FOXK2: variants seen among roughly 807,000 people sequenced by gnomAD.
FOXK2 encodes forkhead box K2.
Under a neutral mutation model 53.3 loss-of-function variants are expected in FOXK2, and 24 were observed. The ratio of observed to expected loss-of-function variants is 0.45; its 90% CI spans 0.33 to 0.63. The LOEUF is 0.63. FOXK2 is among the 30% of genes least tolerant of loss of function. The pLI is 0.03. For synonymous variants in FOXK2, 505 were observed against 407.1 expected (o/e 1.24, Z -2.89); for missense variants, 952 against 910.5 (o/e 1.05, Z -0.59).
rs2044921369 is a variant in FOXK2 at position 82,571,791 on chromosome 17, A to G, written c.830A>G (p.Lys277Arg). The G allele has an allele frequency of 1.2e-6, 2 of 1,603,846 alleles. No individual in the cohort carries two copies. The highest frequency in any genetic ancestry group is 1.7e-6 in the Non-Finnish European group (2 of 1,176,138). ...IVQAITMAPD[K>R]QLTLNGIYTH... ...CAGGCGATTACGATGGCTCCCGACA[A>G]ACAGCTCACCCTGAACGGGATTTAT... is the stretch of plus-strand genomic sequence containing the variant. The change falls in exon 4 of 9, where the codon AAA becomes AGA. Residue 277 changes from lysine (K) to arginine (R), a missense_variant. Coordinates refer to ENST00000335255, the MANE Select transcript of FOXK2 (RefSeq NM_004514.4).
chr17:82,586,983 T>C (rs2045185732), intron 7 of FOXK2, 80 bp from the exon 8 acceptor site: 1 of 1,287,414 alleles, frequency 7.8e-7, no homozygotes, highest in East Asian at 2.3e-5. Flanking sequence ...GATAGCTATC[T>C]GGTTATTATG....
In FOXK2 at chr17:82,586,152, C is replaced by T. The variant is rs767228920; in HGVS notation, c.1528C>T (p.Pro510Ser). ...GGTCACCCCGGCAGCCGTGCTGGCC[C>T]CTCCTAAGGCAGAGGCCCAGGAGAA... ...AVVTPAAVLA[P>S]PKAEAQENGD... is the part of the protein sequence containing the mutation. Residue 510 changes from proline to serine, a missense_variant, in exon 7 of 9, where the codon CCT (proline) becomes TCT (serine). Pro to Ser is a moderately conservative substitution (Grantham distance 74, BLOSUM62 -1). Around this residue, in one of 5 missense-constraint regions of FOXK2, gnomAD observed 551 missense variants for 385.1 expected, o/e 1.43. Coordinates refer to ENST00000335255, the MANE Select transcript of FOXK2 (RefSeq NM_004514.4). 3.1e-6 allele frequency: 5 copies of T among 1,612,100 alleles called. No homozygotes were observed. Among genetic ancestry groups the T allele is most frequent in the Non-Finnish European group, 2.5e-6 (3 of 1,179,762 alleles).
intron 1 of FOXK2, among the ~76,000 whole-genome samples, chr17:82,531,546 A>C (rs2044472117): frequency 6.6e-6 from 1 of 152,156 alleles, no homozygotes; most frequent in African/African-American, 2.4e-5. Context: ...AGCCTGCTGC[A>C]CACCCAGGCT....
intron 7 of FOXK2, 121 bp downstream of exon 7, chr17:82,586,321 A>G (rs1261930982): frequency 5.1e-6 from 2 of 395,878 alleles, no homozygotes; most frequent in Admixed American, 9.2e-5. Context: ...GGAAAGGAGG[A>G]GAGGGGAGAC....
chr17:82,591,371 C>T (rs1038055748), intron 8 of FOXK2, among the ~76,000 whole-genome samples: 11 of 152,142 alleles, frequency 7.2e-5, no homozygotes, highest in Non-Finnish European at 1.0e-4. Context: ...GTTGTCCACA[C>T]CCTGCCCACC....
Position 82,520,146 on chromosome 17 carries a change from G to GGGC in FOXK2, c.268_270dup (p.Gly90dup), listed in dbSNP as rs760798612. On this transcript the variant is annotated inframe_insertion, in exon 1 of 9. Coordinates refer to ENST00000335255, the MANE Select transcript of FOXK2 (RefSeq NM_004514.4). The stretch of plus-strand genomic sequence containing the variant: ...GCCACCTCGAGATCTTCACGCCCCC[G>GGGC]GGCGGCGGCGGCCATGGCGGGGCCG... The GGGC allele has an allele frequency of 1.2e-5, 18 of 1,521,866 alleles. No individual in the cohort carries two copies. The Admixed American group carries it at 3.0e-4, about 26-fold the overall frequency. The allele number at this position is 1,521,866 out of a possible 1,614,324, so 94.3% of individuals were successfully genotyped here. A position where few individuals can be genotyped will look rare whatever the true frequency, so the allele number is the denominator to read the frequency against.
chr17:82,598,964 G>C (rs950550959), intron 8 of FOXK2: 1 of 152,316 alleles, frequency 6.6e-6, no homozygotes, highest in African/African-American at 2.4e-5. Flanking sequence ...CGGGTCACGT[G>C]GGTGGGCTCA....
chr17:82,550,201 C>T (rs1019191258), intron 1 of FOXK2, among the ~76,000 whole-genome samples: 1 of 152,130 alleles, frequency 6.6e-6, no homozygotes, highest in African/African-American at 2.4e-5. Flanking sequence ...TAAACAAACA[C>T]ACACACACAC....
chr17:82,532,829 A>T (rs960882209), intron 1 of FOXK2, among the ~76,000 whole-genome samples: 1 of 152,192 alleles, frequency 6.6e-6, no homozygotes, highest in African/African-American at 2.4e-5. Context: ...TGGCCTCCCA[A>T]AGTGCTGGGA....
intron 1 of FOXK2, among the ~76,000 whole-genome samples, chr17:82,558,391 T>C (rs953875539): frequency 2.0e-5 from 3 of 152,190 alleles, no homozygotes; most frequent in African/African-American, 7.2e-5. Flanking sequence ...AGTGTGGCAG[T>C]GCCCTGTCCG....
At chr17:82,520,372 G>A in intron 1 of FOXK2, 65 bp downstream of exon 1, 1 of 1,198,770 alleles carries the variant, frequency 8.3e-7, no homozygotes. Flanking sequence ...GACGGGACGG[G>A]ACACGCGCCC....
chr17:82,546,889 C>T (rs945861158), intron 1 of FOXK2, among the ~76,000 whole-genome samples: 2 of 151,946 alleles, frequency 1.3e-5, no homozygotes, highest in Non-Finnish European at 2.9e-5. Flanking sequence ...CCATCCCGCC[C>T]AACATGGTGA....
At chr17:82,557,397 G>A (rs1173601405) in intron 1 of FOXK2, among the ~76,000 whole-genome samples, 1 of 151,406 alleles carries the variant, frequency 6.6e-6, no homozygotes, top group Non-Finnish European at 1.5e-5. Flanking sequence ...AGGCTGGAGT[G>A]CAGTGGCACA....
intron 1 of FOXK2, among the ~76,000 whole-genome samples, chr17:82,557,157 C>T (rs893923619): frequency 6.6e-6 from 1 of 151,276 alleles, no homozygotes; most frequent in East Asian, 1.9e-4. Context: ...CTCAGCCTCC[C>T]AAGTAGCTGG....
chr17:82,597,123 G>A lies in FOXK2; in HGVS notation c.1787-4180G>A, dbSNP rs527270958. Among the ~76,000 whole-genome samples, 5 of 152,318 alleles carry A rather than the reference G, an allele frequency of 3.3e-5. No individual in the cohort carries two copies. The South Asian group carries it at 8.3e-4, about 25-fold the overall frequency. The stretch of plus-strand genomic sequence containing the variant: ...TGACTCCCTGTAACACACCCGTGTC[G>A]ACACAGGTCACGTGGGCCCGAGGTG... On this transcript the variant is annotated intron_variant, in intron 8 of 8. Transcript: ENST00000335255.
intron 6 of FOXK2, among the ~76,000 whole-genome samples, chr17:82,585,026 G>C (rs951720555): frequency 2.0e-5 from 3 of 152,388 alleles, no homozygotes; most frequent in Admixed American, 6.5e-5. Context: ...TCCTGGCCCT[G>C]CCGGGCCAGA....
At chr17:82,554,507 G>C (rs1599894655) in intron 1 of FOXK2, among the ~76,000 whole-genome samples, 1 of 152,190 alleles carries the variant, frequency 6.6e-6, no homozygotes, top group African/African-American at 2.4e-5. Flanking sequence ...TCCAGTTTAA[G>C]TTGTTGGTTT....
chr17:82,598,289 C>T (rs1447689142), intron 8 of FOXK2, among the ~76,000 whole-genome samples: 1 of 151,840 alleles, frequency 6.6e-6, no homozygotes, highest in Non-Finnish European at 1.5e-5. Flanking sequence ...GAGACGGGGT[C>T]TTGCTATGTT....
intron 3 of FOXK2, among the ~76,000 whole-genome samples, chr17:82,569,736 T>G (rs918528948): frequency 6.6e-6 from 1 of 152,180 alleles, no homozygotes; most frequent in Admixed American, 6.5e-5. Context: ...GCGGGCAGTG[T>G]GGCATGCACC....
Sources: allele counts gnomAD v4.1 joint callset (sites outside exome capture counted in the v4.1 genomes callset), GRCh38; gene constraint gnomAD v4.1.1; regional missense constraint gnomAD v4.1.1; transcripts MANE v1.5; gene names NCBI Gene and HGNC (gene_info 2026-07-23, HGNC 2026-07-21).